Variants in ADGRB1 observed in about 807,000 individuals in gnomAD.
The protein encoded by ADGRB1 is adhesion G protein-coupled receptor B1, also known as brain-specific angiogenesis inhibitor 1.
ADGRB1 carries 36 observed loss-of-function variants against 175.7 expected under a neutral mutation model. The observed-to-expected ratio is 0.20, with a 90% CI of 0.16 to 0.27. The LOEUF (loss-of-function observed/expected upper bound fraction) is 0.27. ADGRB1 is among the 10% of genes least tolerant of loss of function. The probability of loss-of-function intolerance (pLI) is 1.00; values close to 1 mark genes in which losing one functional copy is unlikely to be tolerated. For missense variants in ADGRB1, 1,731 were observed against 2,255.3 expected, an observed-to-expected ratio of 0.77 and a Z score of 4.71; for synonymous variants, 1,054 against 979.4, an observed-to-expected ratio of 1.08 and a Z score of -1.42.
At position 142,464,098 on chromosome 8, in the gene ADGRB1, C is replaced by T. The variant is rs936874585; in HGVS notation, c.-101C>T. The T allele has an allele frequency of 1.6e-5, 16 of 1,022,962 alleles. No homozygotes were observed. Among genetic ancestry groups the T allele is most frequent in the Non-Finnish European group, 2.0e-5 (16 of 807,464 alleles). 63.4% of individuals were successfully genotyped at this position (1,022,962 alleles called of 1,614,324 possible). ...CCACCCTTGCCCCGCCTCCCTGCCC[C>T]CACCGGGCCGGCCCTGCCCGCCGCC... On this transcript the variant is annotated 5_prime_UTR_variant, in exon 2 of 31. Transcript: ENST00000517894.
intron 25 of ADGRB1, among the ~76,000 whole-genome samples, chr8:142,533,923 G>A (rs1473801864): frequency 6.6e-6 from 1 of 152,242 alleles, no homozygotes; most frequent in Non-Finnish European, 1.5e-5. Flanking sequence ...GGATGCTCTT[G>A]CGGAGGCTGG....
At chr8:142,482,612 C>T (rs2131834291) in intron 11 of ADGRB1, among the ~76,000 whole-genome samples, 1 of 150,418 alleles carries the variant, frequency 6.6e-6, no homozygotes, top group Non-Finnish European at 1.5e-5. Context: ...ACATGCTGAA[C>T]CCTGACCCTC....
chr8:142,532,975 G>A (rs372137480), intron 24 of ADGRB1, among the ~76,000 whole-genome samples: 2 of 151,890 alleles, frequency 1.3e-5, no homozygotes, highest in African/African-American at 4.8e-5. Context: ...CCTTGGGCTT[G>A]GGGAGGGGGT....
Position 142,537,891 on chromosome 8 carries a change from G to T in ADGRB1, c.3666+809G>T, listed in dbSNP as rs917899057. On this transcript the variant is annotated intron_variant, in intron 26 of 30. Transcript: ENST00000517894. The surrounding 1 kb of genome is among the most constrained non-coding windows in gnomAD (Gnocchi z 4.6). Reference sequence around the variant, plus strand: ...CCCCTGGGGCTCAGCCAGGACCGTAGTGGGCTCCTAGTCACCAAGTCTGCT... The same window carrying T: ...CCCCTGGGGCTCAGCCAGGACCGTATTGGGCTCCTAGTCACCAAGTCTGCT... 1.3e-5 allele frequency among the ~76,000 whole-genome samples: 2 copies of T among 152,084 alleles called. No homozygotes were observed. The highest frequency in any genetic ancestry group is 2.9e-5 in the Non-Finnish European group (2 of 68,000).
intron 17 of ADGRB1, among the ~76,000 whole-genome samples, chr8:142,503,073 C>T (rs963499202): frequency 1.3e-5 from 2 of 151,574 alleles, no homozygotes; most frequent in African/African-American, 4.9e-5. Flanking sequence ...TCAGTGGTAG[C>T]TATGAGGGTG....
chr8:142,460,544 G>C (rs1051135931), intron 1 of ADGRB1, among the ~76,000 whole-genome samples: 1 of 152,160 alleles, frequency 6.6e-6, no homozygotes, highest in Non-Finnish European at 1.5e-5. Flanking sequence ...ACACCCCCCT[G>C]ACTTGCTGAT....
chr8:142,465,037 C>G (rs149928488), intron 2 of ADGRB1, 55 bp downstream of exon 2: 20 of 142,288 alleles, frequency 1.4e-4, no homozygotes, highest in South Asian at 6.4e-4. Context: ...ACAGGGGAGG[C>G]GGGCAGACAG....
chr8:142,470,764 G>A (rs1467630023), intron 2 of ADGRB1, among the ~76,000 whole-genome samples: 1 of 152,154 alleles, frequency 6.6e-6, no homozygotes, highest in African/African-American at 2.4e-5. Context: ...GGCTGTGACC[G>A]GCCACGGAGA....
At chr8:142,479,663 C>A in intron 8 of ADGRB1, 30 bp from the exon 9 acceptor site, 2 of 1,605,410 alleles carry the variant, frequency 1.2e-6, no homozygotes, top group Non-Finnish European at 1.7e-6. Flanking sequence ...AGTACCCCTT[C>A]CTGAACCCCT....
chr8:142,490,928 T>C, intron 17 of ADGRB1, 113 bp downstream of exon 17: 7 of 1,373,724 alleles, frequency 5.1e-6, no homozygotes, highest in Non-Finnish European at 7.0e-6. Flanking sequence ...CCCCCAGCTG[T>C]CTGTGTACCC....
rs1298346924 is a variant in ADGRB1, at chr8:142,542,431, C to A, written c.4197C>A (p.Pro1399=). The A allele has an allele frequency of 1.1e-5, 16 of 1,511,924 alleles. No individual in the cohort carries two copies. The African/African-American group carries it at 1.7e-4, about 16-fold the overall frequency. 93.7% of individuals were successfully genotyped at this position (1,511,924 alleles called of 1,614,324 possible). The change falls in exon 28 of 31, where the codon CCC becomes CCA. Residue 1399 remains proline (P), a synonymous_variant. Transcript: ENST00000517894. The surrounding 1 kb of genome is among the most constrained non-coding windows in gnomAD (Gnocchi z 6.3). ...GCAGCCCGCCCTCCCGCCAGCCCCC[C>A]AGCGGCGGGCCCCCCGAGGCACCCC... The part of the protein sequence containing the change: ...PARSPPSRQP[P]SGGPPEAPPA...
Position 142,533,302 on chromosome 8 carries a change from C to T in ADGRB1, c.3406C>T (p.Leu1136=), listed in dbSNP as rs772262366. ...GACACCCTCCATCCCCAGGGCCTCC[C>T]TGTGGAGCTCCTGCGTGGTGCTGCC... is the stretch of plus-strand genomic sequence containing the variant. ...KKLKERAGAS[L]WSSCVVLPLL... The change falls in exon 25 of 31, where the codon CTG becomes TTG. Residue 1136 remains leucine, a synonymous_variant. Transcript: ENST00000517894. 3 of 1,539,678 alleles carry T rather than the reference C, an allele frequency of 1.9e-6. No homozygotes were observed. The highest frequency in any genetic ancestry group is 1.9e-4 in the Middle Eastern group (1 of 5,296).
In ADGRB1 at chr8:142,476,573, C is replaced by A. The variant is rs1231180088; in HGVS notation, c.947-12C>A. 2.6e-6 allele frequency: 4 copies of A among 1,547,754 alleles called. No individual in the cohort carries two copies. In the Admixed American group the frequency reaches 7.8e-5, roughly 30 times the overall value. On this transcript the variant is annotated splice_polypyrimidine_tract_variant and intron_variant, in intron 3 of 30. Transcript: ENST00000517894. Reference sequence around the variant, plus strand: ...AGAACCGCTCCTGTGCTGACCTAAGCCCGTCCTGCAGCCGCTGGGCGCACC... The same window carrying A: ...AGAACCGCTCCTGTGCTGACCTAAGACCGTCCTGCAGCCGCTGGGCGCACC...
chr8:142,460,655 G>A lies in ADGRB1; in HGVS notation c.-219-3325G>A, dbSNP rs116581540. On this transcript the variant is annotated intron_variant, in intron 1 of 30. Transcript: ENST00000517894. ...TCTCCTGGCCCCAAGACAGTCTGCC[G>A]AGGCCCCAGGTCCCTGCCAGGGCAC... 4.3e-3 allele frequency among the ~76,000 whole-genome samples: 652 copies of A among 152,254 alleles called. 5 individuals are homozygous for A. Among genetic ancestry groups the A allele is most frequent in the African/African-American group, 0.014 (585 of 41,552 alleles).
At chr8:142,539,876 G>T (rs572780015) in intron 27 of ADGRB1, 1 of 166,822 alleles carries the variant, frequency 6.0e-6, no homozygotes, top group South Asian at 1.7e-4. Flanking sequence ...GCAGAAGTGA[G>T]TGGGGCTTTC....
rs1845442209 is a variant in ADGRB1 at position 142,543,945 on chromosome 8, G to C, written c.4557+237G>C. On this transcript the variant is annotated intron_variant, in intron 30 of 30. Coordinates refer to ENST00000517894, the MANE Select transcript of ADGRB1 (RefSeq NM_001702.3). The surrounding 1 kb of genome is among the most constrained non-coding windows in gnomAD (Gnocchi z 4.4). ...GCCTGCTCCTGGGGCCAGGGGTCTGGATTGGGGTGGAGCCAATCCAGGGCA... is the reference window on the plus strand; with the variant it reads ...GCCTGCTCCTGGGGCCAGGGGTCTGCATTGGGGTGGAGCCAATCCAGGGCA... 6.6e-6 allele frequency among the ~76,000 whole-genome samples: 1 copy of C among 152,164 alleles called. No individual in the cohort carries two copies. Among genetic ancestry groups the C allele is most frequent in the Non-Finnish European group, 1.5e-5 (1 of 68,026 alleles).
chr8:142,488,389 C>T lies in ADGRB1; in HGVS notation c.2334C>T (p.Ala778=), dbSNP rs1412349301. The T allele has an allele frequency of 6.2e-7, 1 of 1,613,028 alleles. No individual in the cohort carries two copies. Among genetic ancestry groups the T allele is most frequent in the Non-Finnish European group, 8.5e-7 (1 of 1,179,836 alleles). The change falls in exon 14 of 31, where the codon GCC becomes GCT. Residue 778 remains alanine (A), a synonymous_variant. Coordinates refer to ENST00000517894, the MANE Select transcript of ADGRB1 (RefSeq NM_001702.3). ...TTCTCAGCATCCATAAGCTCCCAGC[C>T]AGCGGAGCCACTGACATCAGCTTCC... The part of the protein sequence containing the change: ...NLVLSIHKLP[A]SGATDISFPM...
At chr8:142,529,236 G>A (rs1441198147) in intron 24 of ADGRB1, among the ~76,000 whole-genome samples, 1 of 152,152 alleles carries the variant, frequency 6.6e-6, no homozygotes, top group Admixed American at 6.5e-5. Context: ...CACTGGGGGT[G>A]TGTGGGTATG....
intron 17 of ADGRB1, among the ~76,000 whole-genome samples, chr8:142,507,753 A>AGGTTGTGCTGTGCCTGGCCTG (rs1315382683): frequency 6.6e-6 from 1 of 152,154 alleles, no homozygotes; most frequent in Non-Finnish European, 1.5e-5. Flanking sequence ...CAGAGGGCTG[A>AGGTTGTGCTGTGCCTGGCCTG]GGTTGTGCTG....
Sources: gnomAD v4.1 joint callset for allele counts (sites outside exome capture counted in the v4.1 genomes callset) on GRCh38, gnomAD v4.1.1 for gene constraint, Gnocchi (gnomAD v3.1) non-coding constraint, MANE v1.5 for transcripts, NCBI Gene and HGNC (gene_info 2026-07-23, HGNC 2026-07-21) for gene names.